The following ARID1B variants were observed in gnomAD, a reference collection of about 807,000 sequenced individuals.
The protein encoded by ARID1B is AT-rich interactive domain-containing protein 1B.
A neutral mutation model predicts 212.3 loss-of-function variants in ARID1B; 30 were observed. The ratio of observed to expected loss-of-function variants is 0.14; its 90% confidence interval spans 0.11 to 0.19. The LOEUF (loss-of-function observed/expected upper bound fraction) is 0.19, where lower values mean the gene tolerates loss of function less well. Ranked by LOEUF, ARID1B falls within the 10% of genes least tolerant of loss-of-function variation. The probability of loss-of-function intolerance (pLI) is 1.00; values close to 1 mark genes in which losing one functional copy is unlikely to be tolerated. For missense variants in ARID1B, 2,891 were observed against 3,204.0 expected (o/e 0.90, Z 2.36); for synonymous variants, 1,402 against 1,301.7 (o/e 1.08, Z -1.66).
intron 1 of ARID1B, among the ~76,000 whole-genome samples, chr6:156,792,420 A>G (rs1780075677): frequency 1.3e-5 from 2 of 152,362 alleles, no homozygotes; most frequent in South Asian, 2.1e-4. Context: ...CCTGGGCAAC[A>G]TAGTGAGACT....
intron 4 of ARID1B, among the ~76,000 whole-genome samples, chr6:157,038,193 A>G (rs1463394665): frequency 1.3e-5 from 2 of 152,176 alleles, no homozygotes; most frequent in African/African-American, 2.4e-5. Flanking sequence ...GTAGAAGTAT[A>G]GGGTAGGTGC....
chr6:156,945,224 C>T (rs547158665), intron 4 of ARID1B, among the ~76,000 whole-genome samples: 6 of 135,090 alleles, frequency 4.4e-5, no homozygotes, highest in East Asian at 2.1e-4. Flanking sequence ...TGTGAGCCCC[C>T]GCATCCGGCT....
At chr6:156,897,276 A>C (rs190930893) in intron 2 of ARID1B, among the ~76,000 whole-genome samples, 1,870 of 108,018 alleles carry the variant, frequency 0.017, 18 homozygotes, top group East Asian at 0.059. Context: ...TATTATTATT[A>C]TTATTATTAT....
At chr6:156,809,338 G>A (rs545644404) in intron 1 of ARID1B, among the ~76,000 whole-genome samples, 4 of 152,212 alleles carry the variant, frequency 2.6e-5, no homozygotes, top group South Asian at 2.1e-4. Context: ...GACATTTTAC[G>A]GATCCAGCAT....
chr6:157,122,928 C>T (rs185530812), intron 6 of ARID1B, among the ~76,000 whole-genome samples: 493 of 152,234 alleles, frequency 3.2e-3, no homozygotes, highest in South Asian at 7.7e-3. Flanking sequence ...GTGATCCACC[C>T]GCCTCAGCCT....
At chr6:156,843,507 T>C (rs1299773281) in intron 2 of ARID1B, among the ~76,000 whole-genome samples, 1 of 152,080 alleles carries the variant, frequency 6.6e-6, no homozygotes, top group Non-Finnish European at 1.5e-5. Flanking sequence ...CAAAGAGATA[T>C]GCTGAGTAGT....
intron 3 of ARID1B, among the ~76,000 whole-genome samples, chr6:156,932,079 A>AG (rs1791773758): frequency 7.5e-6 from 1 of 132,566 alleles, no homozygotes; most frequent in South Asian, 2.6e-4. Context: ...TGGGAGTTAG[A>AG]GGCTACAGTG....
intron 1 of ARID1B, among the ~76,000 whole-genome samples, chr6:156,787,610 T>TA (rs1343025949): frequency 6.6e-6 from 1 of 150,432 alleles, no homozygotes; most frequent in African/African-American, 2.5e-5. Context: ...TTACCACTGG[T>TA]ATATTTTATA....
intron 7 of ARID1B, among the ~76,000 whole-genome samples, chr6:157,136,344 A>G (rs543777004): frequency 6.6e-6 from 1 of 152,224 alleles, no homozygotes; most frequent in East Asian, 1.9e-4. Context: ...TAATTCGGCC[A>G]TGATCCCACA....
chr6:156,946,825 T>A (rs1481026617), intron 4 of ARID1B, among the ~76,000 whole-genome samples: 1 of 152,030 alleles, frequency 6.6e-6, no homozygotes, highest in Admixed American at 6.6e-5. Context: ...GCCCAGAGAT[T>A]TTTATGAGAG....
chr6:156,946,963 A>T (rs929688162), intron 4 of ARID1B, among the ~76,000 whole-genome samples: 2 of 152,192 alleles, frequency 1.3e-5, no homozygotes, highest in Non-Finnish European at 2.9e-5. Flanking sequence ...CATAAATTAG[A>T]ATTGATGTTG....
In ARID1B at chr6:157,208,190, A is replaced by G. The variant is rs1794603531; in HGVS notation, c.*299A>G. ...CTTTTTGTTCTTCACAGATCTTTTT[A>G]ATGTTCTTTCCCATGTTGTATTGCA... On this transcript the variant is annotated 3_prime_UTR_variant, in exon 20 of 20. Transcript: ENST00000636930. 3.5e-6 allele frequency: 1 copy of G among 287,066 alleles called. No homozygotes were observed. The highest frequency in any genetic ancestry group is 2.2e-5 in the African/African-American group (1 of 46,440). 17.8% of individuals were successfully genotyped at this position (287,066 alleles called of 1,614,324 possible).
In ARID1B at chr6:157,203,676, AG is replaced by A. The variant is rs1454950406; in HGVS notation, c.5264-189del. 1 of 737,792 alleles carries A rather than the reference AG, an allele frequency of 1.4e-6. No individual in the cohort carries two copies. Among genetic ancestry groups the A allele is most frequent in the African/African-American group, 1.8e-5 (1 of 56,866 alleles). The allele number at this position is 737,792 out of a possible 1,614,324, so 45.7% of individuals were successfully genotyped here. On this transcript the variant is annotated intron_variant, in intron 18 of 19. Coordinates refer to ENST00000636930, the MANE Select transcript of ARID1B (RefSeq NM_001374828.1). This position sits in a 1 kb window ranked among gnomAD's most constrained non-coding sequence, Gnocchi z 4.4. Reference sequence around the variant, plus strand: ...ACAAAGCGAGATCTGAAACCACAAAAGTTTCTCGTTACAGCTATGGCCTCCA... The same window carrying A: ...ACAAAGCGAGATCTGAAACCACAAAATTTCTCGTTACAGCTATGGCCTCCA...
chr6:157,168,922 A>C (rs111930926), intron 9 of ARID1B: 1 of 152,326 alleles, frequency 6.6e-6, no homozygotes, highest in African/African-American at 2.4e-5. Flanking sequence ...CTACACGTTG[A>C]TCTGATTTTA....
At position 157,190,979 on chromosome 6, in the gene ARID1B, C is replaced by T. The variant is rs964175532; in HGVS notation, c.4231+769C>T. Among the ~76,000 whole-genome samples the T allele has an allele frequency of 2.0e-5, 3 of 151,854 alleles. No individual in the cohort carries two copies. The highest frequency in any genetic ancestry group is 7.3e-5 in the African/African-American group (3 of 41,332). On this transcript the variant is annotated intron_variant, in intron 15 of 19. Transcript: ENST00000636930. This position sits in a 1 kb window ranked among gnomAD's most constrained non-coding sequence, Gnocchi z 4.6. ...GTCCAGAGCACAGTGAGCATGGGCC[C>T]GGGGACAGGCTGAGGTCGTTGAGGC...
intron 2 of ARID1B, among the ~76,000 whole-genome samples, chr6:156,846,433 G>A (rs946484493): frequency 2.0e-5 from 3 of 151,800 alleles, no homozygotes; most frequent in South Asian, 4.2e-4. Flanking sequence ...CCAAAGTGCT[G>A]GGATTACAGG....
chr6:156,898,757 A>C (rs1043295317), intron 2 of ARID1B, among the ~76,000 whole-genome samples: 10 of 152,170 alleles, frequency 6.6e-5, no homozygotes, highest in African/African-American at 2.4e-4. Flanking sequence ...GGATCACCTG[A>C]GGTCGGGAGT....
At chr6:156,790,404 G>T (rs1385144622) in intron 1 of ARID1B, among the ~76,000 whole-genome samples, 1 of 152,196 alleles carries the variant, frequency 6.6e-6, no homozygotes, top group African/African-American at 2.4e-5. Context: ...AAGATAGTTT[G>T]TGGGGTGTTT....
intron 6 of ARID1B, among the ~76,000 whole-genome samples, chr6:157,122,728 G>T (rs1787819853): frequency 6.6e-6 from 1 of 152,156 alleles, no homozygotes; most frequent in Non-Finnish European, 1.5e-5. Flanking sequence ...TCCCAGGCTA[G>T]AGTACAGTGG....
Sources: allele counts gnomAD v4.1 joint callset (sites outside exome capture counted in the v4.1 genomes callset), GRCh38; gene constraint gnomAD v4.1.1; non-coding constraint Gnocchi (gnomAD v3.1); transcripts MANE v1.5; gene names NCBI Gene and HGNC (gene_info 2026-07-23, HGNC 2026-07-21).